The following RNF207 variants were observed in gnomAD, a reference collection of about 807,000 sequenced individuals.
The protein encoded by RNF207 is ring finger protein 207, also known as OTTHUMG00000001089.
In RNF207, 72 loss-of-function variants were observed where a neutral mutation model predicts 79.0. The observed-to-expected ratio is 0.91, with a 90% CI of 0.75 to 1.11. RNF207 has a LOEUF of 1.11. Among genes scored for constraint, RNF207 ranks in the 50% least tolerant of loss-of-function variants. The pLI, the probability that RNF207 is intolerant of heterozygous loss-of-function variation, is 0.00. For synonymous variants in RNF207, 348 were observed against 366.2 expected, an observed-to-expected ratio of 0.95 and a Z score of 0.57; for missense variants, 936 against 855.8, an observed-to-expected ratio of 1.09 and a Z score of -1.17.
At chr1:6,208,672 C>T (rs1668013930) in intron 3 of RNF207, 1 of 554,042 alleles carries the variant, frequency 1.8e-6, no homozygotes. Context: ...CCTCCACGGA[C>T]CTACTTACCC....
chr1:6,215,331 CTTT>C (rs147320112), intron 16 of RNF207, among the ~76,000 whole-genome samples: 5 of 138,758 alleles, frequency 3.6e-5, no homozygotes, highest in Non-Finnish European at 4.7e-5. Context: ...CCCGGCCCCC[CTTT>C]TTTTTTTTTT....
At chr1:6,209,372 C>T in intron 6 of RNF207, 29 bp downstream of exon 6, 1 of 1,526,630 alleles carries the variant, frequency 6.6e-7, no homozygotes, top group Non-Finnish European at 8.8e-7. Context: ...CGCGCGGGGC[C>T]GCGCGGCGGC....
intron 16 of RNF207, among the ~76,000 whole-genome samples, chr1:6,213,758 G>T (rs1269130016): frequency 6.6e-6 from 1 of 152,178 alleles, no homozygotes; most frequent in Non-Finnish European, 1.5e-5. Context: ...TGGAGGAGAG[G>T]GCAGGAACTT....
rs1297162934 is a variant in RNF207 at position 6,212,405 on chromosome 1, G to A, written c.1471G>A (p.Val491Ile). 13 of 1,608,726 alleles carry A rather than the reference G, an allele frequency of 8.1e-6. No individual in the cohort carries two copies. The highest frequency in any genetic ancestry group is 2.2e-5 in the East Asian group (1 of 44,866). The change falls in exon 14 of 18, where the codon GTC becomes ATC. Residue 491 changes from valine to isoleucine, a missense_variant. Coordinates refer to ENST00000377939, the MANE Select transcript of RNF207 (RefSeq NM_207396.3). Reference protein sequence around the residue: ...EHASLEGMRVVFQEIWEEAYQ... With the variant: ...EHASLEGMRVIFQEIWEEAYQ... ...CGCCTCCTTAGAGGGCATGAGGGTC[G>A]TCTTCCAGGAGGTAGCCCTCCCAAG...
intron 2 of RNF207, 30 bp downstream of exon 2, chr1:6,206,756 C>T (rs1435476577): frequency 1.3e-6 from 2 of 1,584,890 alleles, no homozygotes; most frequent in East Asian, 4.5e-5. Flanking sequence ...CCAAAACCCC[C>T]CAGACCCCAT....
At position 6,212,234 on chromosome 1, in the gene RNF207, C is replaced by T; in HGVS notation, c.1300C>T (p.Leu434=). 1 of 1,611,824 alleles carries T rather than the reference C, an allele frequency of 6.2e-7. No individual in the cohort carries two copies. The highest frequency in any genetic ancestry group is 8.5e-7 in the Non-Finnish European group (1 of 1,178,906). ...CRHYEDSYRH[L]QAEMQSLKDQ... ...CTCACACAGCCTCTCTGTGCAGCAC[C>T]TGCAGGCAGAGATGCAGAGCCTAAA... Residue 434 remains leucine (L), a synonymous_variant, in exon 14 of 18, where the codon CTG becomes TTG. Coordinates refer to ENST00000377939, the MANE Select transcript of RNF207 (RefSeq NM_207396.3).
chr1:6,212,127 C>G, intron 13 of RNF207, 74 bp downstream of exon 13: 1 of 1,542,802 alleles, frequency 6.5e-7, no homozygotes, highest in Non-Finnish European at 8.8e-7. Flanking sequence ...TCAGGGAAAT[C>G]GAGTTCTCCC....
chr1:6,206,507 C>T, intron 1 of RNF207, 29 bp from the exon 2 acceptor site: 2 of 1,516,870 alleles, frequency 1.3e-6, no homozygotes, highest in Non-Finnish European at 8.8e-7. Flanking sequence ...CGTGCGTGCC[C>T]CAGCCGCCCG....
intron 16 of RNF207, among the ~76,000 whole-genome samples, chr1:6,216,916 C>A (rs958815946): frequency 6.6e-6 from 1 of 151,978 alleles, no homozygotes; most frequent in African/African-American, 2.4e-5. Flanking sequence ...GTTGTCCAGG[C>A]TGGAGTGCAG....
intron 16 of RNF207, among the ~76,000 whole-genome samples, chr1:6,216,178 G>A (rs1156769815): frequency 6.6e-6 from 1 of 152,170 alleles, no homozygotes. Context: ...ACCAGTTGCT[G>A]AGTGGCAGGG....
chr1:6,218,168 G>A (rs1175166948), intron 16 of RNF207, 121 bp from the exon 17 acceptor site: 7 of 668,692 alleles, frequency 1.0e-5, no homozygotes, highest in Non-Finnish European at 1.8e-5. Flanking sequence ...AGGAGCAAAA[G>A]AATGAAACGC....
Position 6,211,699 on chromosome 1 carries a change from C to G in RNF207, c.1110-168C>G, listed in dbSNP as rs1055353495. ...GACTTTAAAAAATAGATGTGGATGT[C>G]CGGGTGAGGCCTTGCCTCAGCCTTT... is the stretch of plus-strand genomic sequence containing the variant. On this transcript the variant is annotated intron_variant, in intron 12 of 17. Transcript: ENST00000377939. This position sits in a 1 kb window ranked among gnomAD's most constrained non-coding sequence, Gnocchi z 4.2. 6.6e-6 allele frequency among the ~76,000 whole-genome samples: 1 copy of G among 152,200 alleles called. No individual in the cohort carries two copies. The highest frequency in any genetic ancestry group is 2.4e-5 in the African/African-American group (1 of 41,466).
rs1000100757 is a variant in RNF207 at position 6,206,244 on chromosome 1, G to T, written c.-59G>T. 139 of 382,572 alleles carry T rather than the reference G, an allele frequency of 3.6e-4. 1 individual carries two copies. In the East Asian group the frequency reaches 6.7e-3, roughly 18 times the overall value. 23.7% of individuals were successfully genotyped at this position (382,572 alleles called of 1,614,324 possible). ...CGCGGCCCGGAGCCGCACTAAGAGC[G>T]CTGGACGGCGGGAGAGAGGCTCGGA... On this transcript the variant is annotated 5_prime_UTR_variant, in exon 1 of 18. Coordinates refer to ENST00000377939, the MANE Select transcript of RNF207 (RefSeq NM_207396.3).
At position 6,212,211 on chromosome 1, in the gene RNF207, C is replaced by T. The variant is rs935588256; in HGVS notation, c.1297-20C>T. Reference sequence around the variant, plus strand: ...AACAGCCTAGGGTGACCCACGCTCTCACACAGCCTCTCTGTGCAGCACCTG... The same window carrying T: ...AACAGCCTAGGGTGACCCACGCTCTTACACAGCCTCTCTGTGCAGCACCTG... On this transcript the variant is annotated intron_variant, in intron 13 of 17. Transcript: ENST00000377939. The T allele has an allele frequency of 1.2e-6, 2 of 1,605,538 alleles. No homozygotes were observed. Among genetic ancestry groups the T allele is most frequent in the African/African-American group, 2.7e-5 (2 of 74,684 alleles).
intron 16 of RNF207, among the ~76,000 whole-genome samples, chr1:6,216,860 G>A (rs1278571520): frequency 7.9e-5 from 12 of 151,808 alleles, no homozygotes; most frequent in Non-Finnish European, 1.8e-4. Context: ...GAGCCACTGC[G>A]CCGGGCTTTT....
At chr1:6,206,826 T>C (rs1667926642) in intron 2 of RNF207, 100 bp downstream of exon 2, 1 of 968,060 alleles carries the variant, frequency 1.0e-6, no homozygotes, top group East Asian at 2.6e-5. Flanking sequence ...AGAGTAAGGC[T>C]CCAACTTCAG....
chr1:6,216,859 C>T lies in RNF207; in HGVS notation c.1653-1430C>T, dbSNP rs554481840. Among the ~76,000 whole-genome samples the T allele has an allele frequency of 1.4e-3, 211 of 151,956 alleles. 1 individual carries two copies. Among genetic ancestry groups the T allele is most frequent in the African/African-American group, 5.0e-3 (206 of 41,444 alleles). ...CTGGGATTACAGGCGTGAGCCACTG[C>T]GCCGGGCTTTTTTTGTTCGTTTGTT... On this transcript the variant is annotated intron_variant, in intron 16 of 17. Transcript: ENST00000377939.
At position 6,209,387 on chromosome 1, in the gene RNF207, G is replaced by T. The variant is rs751423285; in HGVS notation, c.628-27G>T. On this transcript the variant is annotated intron_variant, in intron 6 of 17. Coordinates refer to ENST00000377939, the MANE Select transcript of RNF207 (RefSeq NM_207396.3). ...CGCGCGGGGCCGCGCGGCGGCGATCGCGAGCCTGACCACGCCCTGTCCCCA... is the reference window on the plus strand; with the variant it reads ...CGCGCGGGGCCGCGCGGCGGCGATCTCGAGCCTGACCACGCCCTGTCCCCA... 6 of 1,524,802 alleles carry T rather than the reference G, an allele frequency of 3.9e-6. No individual in the cohort carries two copies. In the South Asian group the frequency reaches 7.3e-5, roughly 19 times the overall value. 94.5% of individuals were successfully genotyped at this position (1,524,802 alleles called of 1,614,324 possible). A position where few individuals can be genotyped will look rare whatever the true frequency, so the allele number is the denominator to read the frequency against.
intron 15 of RNF207, 35 bp from the exon 16 acceptor site, chr1:6,213,031 G>A (rs1668235799): frequency 7.1e-7 from 1 of 1,399,960 alleles, no homozygotes; most frequent in Non-Finnish European, 1.0e-6. Context: ...GATGCTTCAG[G>A]ATTAAGACCC....
Sources: allele counts gnomAD v4.1 joint callset (sites outside exome capture counted in the v4.1 genomes callset), GRCh38; gene constraint gnomAD v4.1.1; non-coding constraint Gnocchi (gnomAD v3.1); transcripts MANE v1.5; gene names NCBI Gene and HGNC (gene_info 2026-07-23, HGNC 2026-07-21).